Variants in ZHX2 observed in about 807,000 individuals in gnomAD.
ZHX2 encodes the protein zinc fingers and homeoboxes 2.
ZHX2 carries 6 observed loss-of-function variants against 21.9 expected under a neutral mutation model. The observed-to-expected ratio is 0.27, with a 90% CI of 0.15 to 0.54. The LOEUF is 0.54. Ranked by LOEUF, ZHX2 falls within the 20% of genes least tolerant of loss-of-function variation. The pLI, the probability that ZHX2 is intolerant of heterozygous loss-of-function variation, is 0.95. For missense variants in ZHX2, 908 were observed against 1,090.7 expected (o/e 0.83, Z 2.36); for synonymous variants, 434 against 437.1 (o/e 0.99, Z 0.09).
intron 3 of ZHX2, among the ~76,000 whole-genome samples, chr8:122,963,868 GT>G (rs74184057): frequency 0.017 from 1,502 of 90,486 alleles, 19 homozygotes; most frequent in African/African-American, 0.069. Context: ...CCTAAGTTGG[GT>G]TTTTTTTGTT....
At chr8:122,841,859 G>A (rs1387003468) in intron 1 of ZHX2, among the ~76,000 whole-genome samples, 1 of 152,122 alleles carries the variant, frequency 6.6e-6, no homozygotes, top group Non-Finnish European at 1.5e-5. Context: ...GCCCTTAGAT[G>A]GTAACTCAGT....
At chr8:122,827,216 C>G (rs1355815378) in intron 1 of ZHX2, among the ~76,000 whole-genome samples, 1 of 151,960 alleles carries the variant, frequency 6.6e-6, no homozygotes, top group African/African-American at 2.4e-5. Context: ...TGTTTTCTCC[C>G]CTGTAGAAAC....
At chr8:122,955,290 G>A (rs950876355) in intron 3 of ZHX2, among the ~76,000 whole-genome samples, 1 of 152,112 alleles carries the variant, frequency 6.6e-6, no homozygotes. Flanking sequence ...GAAGATGCAC[G>A]ATTTGCCCAG....
Position 122,953,044 on chromosome 8 carries a change from G to A in ZHX2, c.1534G>A (p.Ala512Thr), listed in dbSNP as rs145188558. Reference sequence around the variant, plus strand: ...CGAATCCCTTGCCAAAGACCAGTTGGCCATCGCGGCCTCCCGACACGGTCG... The same window carrying A: ...CGAATCCCTTGCCAAAGACCAGTTGACCATCGCGGCCTCCCGACACGGTCG... ...TSESLAKDQL[A>T]IAASRHGRTY... The change falls in exon 3 of 4, where the codon GCC (alanine) becomes ACC (threonine). Residue 512 changes from alanine to threonine, a missense_variant. Physicochemically the swap from Ala to Thr is moderately conservative, Grantham distance 58. Around this residue, in one of 4 missense-constraint regions of ZHX2, gnomAD observed 431 missense variants for 428.6 expected, o/e 1.01. Transcript: ENST00000314393. The surrounding 1 kb of genome is among the most constrained non-coding windows in gnomAD (Gnocchi z 4.6). The A allele has an allele frequency of 2.3e-5, 37 of 1,613,920 alleles. No individual in the cohort carries two copies. The highest frequency in any genetic ancestry group is 3.0e-5 in the Non-Finnish European group (35 of 1,180,036).
At chr8:122,784,767 C>G (rs1179177461) in intron 1 of ZHX2, among the ~76,000 whole-genome samples, 1 of 152,220 alleles carries the variant, frequency 6.6e-6, no homozygotes, top group Non-Finnish European at 1.5e-5. Context: ...TAAGTACTCT[C>G]ATTCTCTCCT....
chr8:122,849,508 G>A (rs2130736165), intron 1 of ZHX2, among the ~76,000 whole-genome samples: 1 of 152,214 alleles, frequency 6.6e-6, no homozygotes, highest in Non-Finnish European at 1.5e-5. Flanking sequence ...AAGGCTCTAG[G>A]GAACATCTTT....
chr8:122,822,943 G>A (rs1045132059), intron 1 of ZHX2, among the ~76,000 whole-genome samples: 3 of 152,236 alleles, frequency 2.0e-5, no homozygotes, highest in Middle Eastern at 3.2e-3. Flanking sequence ...TACCTCATCC[G>A]ATTTCAGCTG....
Position 122,878,009 on chromosome 8 carries a change from A to T in ZHX2, c.-220+14470A>T, listed in dbSNP as rs952484338. On this transcript the variant is annotated intron_variant, in intron 2 of 3. Coordinates refer to ENST00000314393, the MANE Select transcript of ZHX2 (RefSeq NM_014943.5). ...AAGGGGGAGAGCAAAGCTTGTAGAG[A>T]TTTCTGTTCCCTCCTATCAGGATTT... Among the ~76,000 whole-genome samples the T allele has an allele frequency of 2.0e-5, 3 of 152,146 alleles. No individual in the cohort carries two copies. In the South Asian group the frequency reaches 6.2e-4, roughly 31 times the overall value.
chr8:122,918,316 C>A (rs185277892), intron 2 of ZHX2, among the ~76,000 whole-genome samples: 1 of 152,180 alleles, frequency 6.6e-6, no homozygotes, highest in African/African-American at 2.4e-5. Context: ...GCCTTGAGGA[C>A]GAAATCCAGA....
At chr8:122,884,099 G>C (rs11991059) in intron 2 of ZHX2, among the ~76,000 whole-genome samples, 2 of 152,158 alleles carry the variant, frequency 1.3e-5, no homozygotes, top group African/African-American at 4.8e-5. Flanking sequence ...GCATGTTACT[G>C]TACTAAACAC....
intron 2 of ZHX2, among the ~76,000 whole-genome samples, chr8:122,906,303 A>C (rs1241498825): frequency 6.6e-6 from 1 of 152,248 alleles, no homozygotes; most frequent in Non-Finnish European, 1.5e-5. Flanking sequence ...TCAAGGATCT[A>C]TTACATTTAA....
At chr8:122,810,898 T>C (rs1168299549) in intron 1 of ZHX2, among the ~76,000 whole-genome samples, 1 of 152,110 alleles carries the variant, frequency 6.6e-6, no homozygotes, top group Non-Finnish European at 1.5e-5. Context: ...CCCACTAGAC[T>C]AGCATGTCAA....
intron 1 of ZHX2, among the ~76,000 whole-genome samples, chr8:122,789,412 C>G (rs1817466640): frequency 6.6e-6 from 1 of 152,198 alleles, no homozygotes; most frequent in Admixed American, 6.5e-5. Flanking sequence ...CCAGAACCCC[C>G]CAGGGATCTC....
At chr8:122,877,377 A>G (rs763536736) in intron 2 of ZHX2, among the ~76,000 whole-genome samples, 4 of 152,228 alleles carry the variant, frequency 2.6e-5, no homozygotes, top group Admixed American at 6.5e-5. Context: ...AATGGCTAAC[A>G]TGTAGTAAGT....
Position 122,875,870 on chromosome 8 carries a change from C to G in ZHX2, c.-220+12331C>G, listed in dbSNP as rs1337000236. Among the ~76,000 whole-genome samples the G allele has an allele frequency of 3.3e-5, 5 of 152,346 alleles. 1 individual carries two copies. The highest frequency in any genetic ancestry group is 3.3e-4 in the Admixed American group (5 of 15,306). Reference sequence around the variant, plus strand: ...CAGGCAAGATAAATCTTTGCCTTCCCTTGTTTTCTTCCCTGACCCCTTTTC... The same window carrying G: ...CAGGCAAGATAAATCTTTGCCTTCCGTTGTTTTCTTCCCTGACCCCTTTTC... On this transcript the variant is annotated intron_variant, in intron 2 of 3. Transcript: ENST00000314393.
chr8:122,968,438 T>C (rs1395544243), intron 3 of ZHX2, among the ~76,000 whole-genome samples: 1 of 152,172 alleles, frequency 6.6e-6, no homozygotes, highest in African/African-American at 2.4e-5. Flanking sequence ...CACTGGGAAG[T>C]TGCTTAATCT....
intron 1 of ZHX2, among the ~76,000 whole-genome samples, chr8:122,848,232 G>C (rs1445168): frequency 0.29 from 43,671 of 151,962 alleles, 6,566 homozygotes; most frequent in South Asian, 0.36. Flanking sequence ...GTGTGCGCCT[G>C]AAAGAGAGAA....
rs566808743 is a variant in ZHX2, at chr8:122,789,576, AGAGGCCAG to A, written c.-283+7647_-283+7654del. Among the ~76,000 whole-genome samples, 56 of 152,358 alleles carry A rather than the reference AGAGGCCAG, an allele frequency of 3.7e-4. No homozygotes were observed. In the East Asian group the frequency reaches 4.4e-3, roughly 12 times the overall value. On this transcript the variant is annotated intron_variant, in intron 1 of 3. Coordinates refer to ENST00000314393, the MANE Select transcript of ZHX2 (RefSeq NM_014943.5). ...CAGTGGTGGTCCGGAGGGAGTAGGG[AGAGGCCAG>A]GAGGCCAGGAGGCCAGCACTGGCGG... is the stretch of plus-strand genomic sequence containing the variant.
intron 2 of ZHX2, among the ~76,000 whole-genome samples, chr8:122,937,469 C>T (rs1002219499): frequency 1.6e-4 from 25 of 152,290 alleles, no homozygotes; most frequent in Admixed American, 1.0e-3. Context: ...TAGATGCACA[C>T]GGCATGCACT....
Sources: allele counts gnomAD v4.1 joint callset (sites outside exome capture counted in the v4.1 genomes callset), GRCh38; gene constraint gnomAD v4.1.1; regional missense constraint gnomAD v4.1.1; non-coding constraint Gnocchi (gnomAD v3.1); transcripts MANE v1.5; gene names NCBI Gene and HGNC (gene_info 2026-07-23, HGNC 2026-07-21).